MEGF6: variants seen among roughly 807,000 people sequenced by gnomAD.
The protein encoded by MEGF6 is multiple epidermal growth factor-like domains protein 6.
A neutral mutation model predicts 207.1 loss-of-function variants in MEGF6; 184 were observed. That is an observed-to-expected ratio of 0.89 (90% confidence interval 0.79 to 1.00). The LOEUF is 1.00. Among genes scored for constraint, MEGF6 ranks in the 50% least tolerant of loss-of-function variants. The pLI, the probability that MEGF6 is intolerant of heterozygous loss-of-function variation, is 0.00. For missense variants in MEGF6, 2,282 were observed against 2,202.9 expected (o/e 1.04, Z -0.72); for synonymous variants, 1,038 against 910.0 (o/e 1.14, Z -2.53).
intron 1 of MEGF6, among the ~76,000 whole-genome samples, chr1:3,610,802 C>G (rs7525560): frequency 8.3e-4 from 127 of 152,208 alleles, no homozygotes; most frequent in African/African-American, 3.0e-3. Context: ...CTTCTCCCAG[C>G]CGGGCTCTGG....
At chr1:3,547,304 G>A (rs1398804365) in intron 4 of MEGF6, among the ~76,000 whole-genome samples, 3 of 152,196 alleles carry the variant, frequency 2.0e-5, no homozygotes, top group Non-Finnish European at 4.4e-5. Flanking sequence ...CAGGGGAGCC[G>A]CACTGCAGAA....
Position 3,594,847 on chromosome 1 carries a change from A to G in MEGF6, c.376+491T>C, listed in dbSNP as rs1421316932. ...GGGCCTCTCCAATTGTGCTGGCTAC[A>G]TAACGGAGAGAGGAAGGAGCGGCTC... On this transcript the variant is annotated intron_variant, in intron 3 of 36. Transcript: ENST00000356575. This position sits in a 1 kb window ranked among gnomAD's most constrained non-coding sequence, Gnocchi z 4.2. 6.6e-6 allele frequency among the ~76,000 whole-genome samples: 1 copy of G among 152,206 alleles called. No homozygotes were observed. The highest frequency in any genetic ancestry group is 6.5e-5 in the Admixed American group (1 of 15,274).
chr1:3,583,100 G>A (rs949252793), intron 3 of MEGF6, among the ~76,000 whole-genome samples: 2 of 152,332 alleles, frequency 1.3e-5, no homozygotes, highest in Middle Eastern at 3.4e-3. Flanking sequence ...GGTGCAAGGG[G>A]ACGGAGGAGG....
Position 3,492,839 on chromosome 1 carries a change from CT to C in MEGF6, c.4388-73del, listed in dbSNP as rs1425025637. ...CTTCCCCGCGCCAAGGAGCCTGGGC[CT>C]AGGGGCCCGCGGCAGAGCCCAGGTG... is the stretch of plus-strand genomic sequence containing the variant. On this transcript the variant is annotated intron_variant, in intron 34 of 36. Coordinates refer to ENST00000356575, the MANE Select transcript of MEGF6 (RefSeq NM_001409.4). 9.1e-5 allele frequency: 142 copies of C among 1,560,008 alleles called. 1 individual carries two copies. The African/African-American group carries it at 1.6e-3, about 18-fold the overall frequency.
chr1:3,517,545 C>T (rs549636017), intron 5 of MEGF6, among the ~76,000 whole-genome samples: 3 of 152,326 alleles, frequency 2.0e-5, no homozygotes, highest in South Asian at 4.1e-4. Context: ...GGCAGATTTT[C>T]GCCAGCGCTG....
chr1:3,504,107 C>A (rs575428125), intron 17 of MEGF6, among the ~76,000 whole-genome samples: 1,636 of 150,446 alleles, frequency 0.011, 22 homozygotes, highest in African/African-American at 0.038. Flanking sequence ...TGGTATGGCC[C>A]CAGGGGAGGC....
At chr1:3,490,668 T>G in intron 36 of MEGF6, 79 bp from the exon 37 acceptor site, 1 of 1,472,226 alleles carries the variant, frequency 6.8e-7, no homozygotes, top group Non-Finnish European at 9.3e-7. Flanking sequence ...GGTTGGCACC[T>G]CTCCCTCCCA....
rs1291877370 is a variant in MEGF6, at chr1:3,497,318, G to A, written c.3396C>T (p.Cys1132=). ...GGCAGGCAGCGCCAGGCGGGCAGCTGCAGCGCTGGGCACAGGCCTCTCCAA... is the reference window on the plus strand; with the variant it reads ...GGCAGGCAGCGCCAGGCGGGCAGCTACAGCGCTGGGCACAGGCCTCTCCAA... ...GWFGEACAQR[C]SCPPGAACHH... The change falls in exon 27 of 37, where the codon TGC becomes TGT. Residue 1132 remains cysteine, a synonymous_variant. Transcript: ENST00000356575. The A allele has an allele frequency of 1.3e-6, 2 of 1,551,500 alleles. No individual in the cohort carries two copies. The highest frequency in any genetic ancestry group is 2.3e-5 in the East Asian group (1 of 44,020).
Position 3,573,223 on chromosome 1 carries a change from G to A in MEGF6, c.481+6602C>T, listed in dbSNP as rs1643558494. On this transcript the variant is annotated intron_variant, in intron 4 of 36. Coordinates refer to ENST00000356575, the MANE Select transcript of MEGF6 (RefSeq NM_001409.4). This position sits in a 1 kb window ranked among gnomAD's most constrained non-coding sequence, Gnocchi z 5.1. Reference sequence around the variant, plus strand: ...CGTGTGCTGCGTCCTTCCTGTGTGTGCTGGGTTCCCCCAGGTTTGCTGGGT... The same window carrying A: ...CGTGTGCTGCGTCCTTCCTGTGTGTACTGGGTTCCCCCAGGTTTGCTGGGT... 6.6e-6 allele frequency among the ~76,000 whole-genome samples: 1 copy of A among 151,890 alleles called. No individual in the cohort carries two copies.
At chr1:3,603,339 C>T (rs779369372) in intron 1 of MEGF6, among the ~76,000 whole-genome samples, 11 of 152,014 alleles carry the variant, frequency 7.2e-5, no homozygotes, top group African/African-American at 2.7e-4. Context: ...CCTCCAAAGA[C>T]AGCCACACGG....
chr1:3,551,339 C>T (rs1642877748), intron 4 of MEGF6, among the ~76,000 whole-genome samples: 1 of 152,178 alleles, frequency 6.6e-6, no homozygotes, highest in Non-Finnish European at 1.5e-5. Context: ...CTGGGGACGA[C>T]AGGACCTAAG....
chr1:3,512,770 T>C (rs138629413), intron 7 of MEGF6, among the ~76,000 whole-genome samples: 2 of 152,204 alleles, frequency 1.3e-5, no homozygotes, highest in Non-Finnish European at 2.9e-5. Context: ...CTTTAGTAAA[T>C]TGCCCAGTCT....
In MEGF6 at chr1:3,494,354, A is replaced by G. The variant is rs1569926576; in HGVS notation, c.4129+17T>C. 2.0e-6 allele frequency: 3 copies of G among 1,536,584 alleles called. No individual in the cohort carries two copies. The East Asian group carries it at 7.3e-5, about 38-fold the overall frequency. On this transcript the variant is annotated intron_variant, in intron 32 of 36. Transcript: ENST00000356575. ...CTCAAAGGGGCCCCAGCCCAGCTGC[A>G]CAGGCCCCCAACTCACGGTGCTCGC...
intron 4 of MEGF6, among the ~76,000 whole-genome samples, chr1:3,549,846 C>A (rs186299954): frequency 0.029 from 4,476 of 152,116 alleles, 97 homozygotes; most frequent in South Asian, 0.057. Flanking sequence ...CCAGACAGGC[C>A]CCTTGCTCCA....
intron 7 of MEGF6, among the ~76,000 whole-genome samples, chr1:3,512,854 A>G (rs1188187558): frequency 1.3e-5 from 2 of 152,200 alleles, no homozygotes; most frequent in Non-Finnish European, 2.9e-5. Flanking sequence ...GTCTGGACAC[A>G]CACCGCTGCC....
rs183715492 is a variant in MEGF6 at position 3,542,318 on chromosome 1, A to G, written c.482-18072T>C. On this transcript the variant is annotated intron_variant, in intron 4 of 36. Coordinates refer to ENST00000356575, the MANE Select transcript of MEGF6 (RefSeq NM_001409.4). Reference sequence around the variant, plus strand: ...CATTACATTGTCACTGTGGTCTTCCAGCCAAACCATGGGCTTAATGCGAGG... The same window carrying G: ...CATTACATTGTCACTGTGGTCTTCCGGCCAAACCATGGGCTTAATGCGAGG... 3.7e-4 allele frequency among the ~76,000 whole-genome samples: 57 copies of G among 152,376 alleles called. 1 individual carries two copies. The highest frequency in any genetic ancestry group is 6.8e-3 in the Middle Eastern group (2 of 294).
At position 3,573,807 on chromosome 1, in the gene MEGF6, G is replaced by T. The variant is rs1330752842; in HGVS notation, c.481+6018C>A. On this transcript the variant is annotated intron_variant, in intron 4 of 36. Coordinates refer to ENST00000356575, the MANE Select transcript of MEGF6 (RefSeq NM_001409.4). The surrounding 1 kb of genome is among the most constrained non-coding windows in gnomAD (Gnocchi z 5.1). The stretch of plus-strand genomic sequence containing the variant: ...GGGTGGCGTCTGGAGCTCGGGCGAG[G>T]GGTCAGACTCCCACCCTCAGACACA... Among the ~76,000 whole-genome samples, 1 of 152,182 alleles carries T rather than the reference G, an allele frequency of 6.6e-6. No homozygotes were observed. Among genetic ancestry groups the T allele is most frequent in the African/African-American group, 2.4e-5 (1 of 41,440 alleles).
In MEGF6 at chr1:3,565,494, G is replaced by A. The variant is rs894533180; in HGVS notation, c.481+14331C>T. Reference sequence around the variant, plus strand: ...ATTGCAGGAGGCCCCTTCCAAGAGGGGTCCAGGGAGCAGGACCAGGAGCCT... The same window carrying A: ...ATTGCAGGAGGCCCCTTCCAAGAGGAGTCCAGGGAGCAGGACCAGGAGCCT... On this transcript the variant is annotated intron_variant, in intron 4 of 36. Transcript: ENST00000356575. The surrounding 1 kb of genome is among the most constrained non-coding windows in gnomAD (Gnocchi z 4.8). 6.6e-6 allele frequency among the ~76,000 whole-genome samples: 1 copy of A among 152,204 alleles called. No homozygotes were observed. Among genetic ancestry groups the A allele is most frequent in the Non-Finnish European group, 1.5e-5 (1 of 68,034 alleles).
chr1:3,605,736 A>C (rs1644240773), intron 1 of MEGF6, among the ~76,000 whole-genome samples: 1 of 152,120 alleles, frequency 6.6e-6, no homozygotes, highest in African/African-American at 2.4e-5. Context: ...ATACACACAC[A>C]GGCACACACA....
Sources: gnomAD v4.1 joint callset for allele counts (sites outside exome capture counted in the v4.1 genomes callset) on GRCh38, gnomAD v4.1.1 for gene constraint, Gnocchi (gnomAD v3.1) non-coding constraint, MANE v1.5 for transcripts, NCBI Gene and HGNC (gene_info 2026-07-23, HGNC 2026-07-21) for gene names.